ADH1B: variants seen among roughly 807,000 people sequenced by gnomAD.
The protein encoded by ADH1B is alcohol dehydrogenase 1B (class I), beta polypeptide, also known as all-trans-retinol dehydrogenase [NAD(+)] ADH1B.
Under a neutral mutation model 34.6 loss-of-function variants are expected in ADH1B, and 29 were observed. The ratio of observed to expected loss-of-function variants is 0.84; its 90% CI spans 0.62 to 1.14. ADH1B has a LOEUF of 1.14. Among genes scored for constraint, ADH1B ranks in the 50% most tolerant of loss-of-function variants. The pLI is 0.00. For missense variants in ADH1B, 424 were observed against 468.4 expected (o/e 0.91, Z 0.87); for synonymous variants, 170 against 175.5 (o/e 0.97, Z 0.25).
rs775996950 is a variant in ADH1B, at chr4:99,307,880, A to G, written c.1104-16T>C. On this transcript the variant is annotated splice_polypyrimidine_tract_variant and intron_variant, in intron 8 of 8. Coordinates refer to ENST00000305046, the MANE Select transcript of ADH1B (RefSeq NM_000668.6). ...GGTACGGATACTGCAATAGGAAAGA[A>G]GAGACATTGTGTTAACATTTAGACA... The G allele has an allele frequency of 6.2e-7, 1 of 1,613,966 alleles. No homozygotes were observed. Among genetic ancestry groups the G allele is most frequent in the Non-Finnish European group, 8.5e-7 (1 of 1,179,892 alleles).
intron 1 of ADH1B, chr4:99,320,231 A>G (rs553327542): frequency 3.9e-5 from 6 of 152,212 alleles, no homozygotes; most frequent in South Asian, 2.1e-4. Context: ...CCCAAAGTCC[A>G]TTATATCATT....
chr4:99,314,205 T>G, intron 5 of ADH1B, 124 bp from the exon 6 acceptor site: 1 of 1,465,202 alleles, frequency 6.8e-7, no homozygotes, highest in Non-Finnish European at 9.2e-7. Flanking sequence ...CAACCGTTTA[T>G]CAAAACCTCT....
chr4:99,321,188 A>C, intron 1 of ADH1B, 126 bp downstream of exon 1: 1 of 830,176 alleles, frequency 1.2e-6, no homozygotes, highest in Non-Finnish European at 1.9e-6. Context: ...TGTATATTGC[A>C]TATCATATTT....
At chr4:99,311,440 G>T (rs1733751247) in intron 7 of ADH1B, 81 bp downstream of exon 7, 1 of 1,450,882 alleles carries the variant, frequency 6.9e-7, no homozygotes, top group Non-Finnish European at 9.4e-7. Context: ...TTGTAAAAGG[G>T]CATATATATT....
intron 5 of ADH1B, 42 bp from the exon 6 acceptor site, chr4:99,314,123 G>C (rs1733822537): frequency 1.9e-6 from 3 of 1,604,458 alleles, no homozygotes; most frequent in Non-Finnish European, 2.6e-6. Flanking sequence ...AGTGATGATT[G>C]TTAGAAAGTG....
intron 8 of ADH1B, among the ~76,000 whole-genome samples, 160 bp from the exon 9 acceptor site, chr4:99,308,024 C>A (rs1286578721): frequency 1.3e-5 from 2 of 152,094 alleles, no homozygotes; most frequent in Non-Finnish European, 2.9e-5. Context: ...AAAGGAAGTT[C>A]ATCTTTTTTG....
rs1733598790 is a variant in ADH1B at position 99,305,802 on chromosome 4, G to A, written c.*2038C>T. 1 of 151,468 alleles carries A rather than the reference G, an allele frequency of 6.6e-6. No individual in the cohort carries two copies. 9.4% of individuals were successfully genotyped at this position (151,468 alleles called of 1,614,324 possible). A position where few individuals can be genotyped will look rare whatever the true frequency, so the allele number is the denominator to read the frequency against. On this transcript the variant is annotated 3_prime_UTR_variant, in exon 9 of 9. Coordinates refer to ENST00000305046, the MANE Select transcript of ADH1B (RefSeq NM_000668.6). ...CCTGGGAGGAAGGCGGGTGGGAGCT[G>A]GATGTCAGCTTCTGTGTCACTAGCA...
At chr4:99,317,823 T>C (rs1192556337) in intron 3 of ADH1B, 20 of 621,842 alleles carry the variant, frequency 3.2e-5, no homozygotes, top group Non-Finnish European at 4.4e-5. Flanking sequence ...TGGCTTCTAG[T>C]AGATACTCGG....
intron 2 of ADH1B, chr4:99,318,554 T>C (rs1733945107): frequency 1.9e-6 from 1 of 530,616 alleles, no homozygotes; most frequent in East Asian, 3.4e-5. Flanking sequence ...TTTTTTTCTG[T>C]ACAAACATAA....
At position 99,305,791 on chromosome 4, in the gene ADH1B, G is replaced by A. The variant is rs574615383; in HGVS notation, c.*2049C>T. 6 of 151,642 alleles carry A rather than the reference G, an allele frequency of 4.0e-5. No homozygotes were observed. The South Asian group carries it at 6.3e-4, about 16-fold the overall frequency. 9.4% of individuals were successfully genotyped at this position (151,642 alleles called of 1,614,324 possible). A position where few individuals can be genotyped will look rare whatever the true frequency, so the allele number is the denominator to read the frequency against. On this transcript the variant is annotated 3_prime_UTR_variant, in exon 9 of 9. Coordinates refer to ENST00000305046, the MANE Select transcript of ADH1B (RefSeq NM_000668.6). ...TGCTCCCCGAACCTGGGAGGAAGGCGGGTGGGAGCTGGATGTCAGCTTCTG... is the reference window on the plus strand; with the variant it reads ...TGCTCCCCGAACCTGGGAGGAAGGCAGGTGGGAGCTGGATGTCAGCTTCTG...
intron 5 of ADH1B, chr4:99,315,240 T>C (rs1430347562): frequency 3.3e-5 from 5 of 153,344 alleles, no homozygotes; most frequent in Admixed American, 3.2e-4. Flanking sequence ...TAAAGCATAC[T>C]ACTAGATTTT....
rs1431989411 is a variant in ADH1B at position 99,316,117 on chromosome 4, A to C, written c.348T>G (p.Asp116Glu). The C allele has an allele frequency of 6.2e-7, 1 of 1,614,182 alleles. No individual in the cohort carries two copies. Among genetic ancestry groups the C allele is most frequent in the Non-Finnish European group, 8.5e-7 (1 of 1,180,022 alleles). ...GCAGGGTCCCCCGAGGATTGCCTAG[A>C]CTGGGCAGTGCAATACACAGACACA... ...NPESNYCLKN[D>E]LGNPRGTLQD... Residue 116 changes from aspartate (D) to glutamate (E), a missense_variant and splice_region_variant, in exon 5 of 9, where the codon GAT (aspartate) becomes GAG (glutamate). Asp to Glu is a conservative substitution (Grantham distance 45, BLOSUM62 2). Around this residue, in one of 3 missense-constraint regions of ADH1B, gnomAD observed 291 missense variants for 300.4 expected, o/e 0.97. Transcript: ENST00000305046.
rs1325379373 is a variant in ADH1B, at chr4:99,306,545, T to C, written c.*1295A>G. The C allele has an allele frequency of 6.6e-6, 1 of 152,184 alleles. No homozygotes were observed. Among genetic ancestry groups the C allele is most frequent in the Non-Finnish European group, 1.5e-5 (1 of 68,046 alleles). 9.4% of individuals were successfully genotyped at this position (152,184 alleles called of 1,614,324 possible). ...ACTTTATGTCTAAGGTCTTTCATAA[T>C]ATGAAATAGAATGTAGATATTGCAA... On this transcript the variant is annotated 3_prime_UTR_variant, in exon 9 of 9. Coordinates refer to ENST00000305046, the MANE Select transcript of ADH1B (RefSeq NM_000668.6).
Position 99,313,666 on chromosome 4 carries a change from T to C in ADH1B, c.828+155A>G, listed in dbSNP as rs1020816493. On this transcript the variant is annotated intron_variant, in intron 6 of 8. Coordinates refer to ENST00000305046, the MANE Select transcript of ADH1B (RefSeq NM_000668.6). Reference sequence around the variant, plus strand: ...AATTGATGGAAGAGAAGATTTCTCATAACAAAAATTAAACAAGCCACATAA... The same window carrying C: ...AATTGATGGAAGAGAAGATTTCTCACAACAAAAATTAAACAAGCCACATAA... 36 of 1,393,542 alleles carry C rather than the reference T, an allele frequency of 2.6e-5. No homozygotes were observed. The East Asian group carries it at 5.1e-4, about 20-fold the overall frequency. 86.3% of individuals were successfully genotyped at this position (1,393,542 alleles called of 1,614,324 possible).
rs1224502657 is a variant in ADH1B, at chr4:99,313,891, T to C, written c.758A>G (p.Glu253Gly). Residue 253 changes from glutamate to glycine, a missense_variant, in exon 6 of 9, where the codon GAA becomes GGA. Glu to Gly is a moderately conservative substitution (Grantham distance 98). Around this residue, in one of 3 missense-constraint regions of ADH1B, gnomAD observed 3 missense variants for 16.2 expected, o/e 0.19. Transcript: ENST00000305046. ...TCCATCAGTCATTTCCTTTAGCACTTCCTGAATGGGTTTCTTGTAGTCTTG... is the reference window on the plus strand; with the variant it reads ...TCCATCAGTCATTTCCTTTAGCACTCCCTGAATGGGTTTCTTGTAGTCTTG... ...NPQDYKKPIQ[E>G]VLKEMTDGGV... The C allele has an allele frequency of 6.2e-7, 1 of 1,613,978 alleles. No individual in the cohort carries two copies. The highest frequency in any genetic ancestry group is 1.7e-5 in the Admixed American group (1 of 60,000).
intron 8 of ADH1B, chr4:99,310,357 T>A (rs1310053664): frequency 8.8e-6 from 4 of 456,168 alleles, no homozygotes; most frequent in Non-Finnish European, 1.8e-5. Flanking sequence ...GAGGATGTCC[T>A]GAAAATTATT....
chr4:99,312,546 G>C (rs765334651), intron 6 of ADH1B, among the ~76,000 whole-genome samples: 11 of 152,166 alleles, frequency 7.2e-5, no homozygotes, highest in Non-Finnish European at 1.6e-4. Flanking sequence ...TTTTCAGTAG[G>C]ATTCTAGAGA....
Position 99,307,203 on chromosome 4 carries a change from A to G in ADH1B, c.*637T>C, listed in dbSNP as rs1032102982. On this transcript the variant is annotated 3_prime_UTR_variant, in exon 9 of 9. Transcript: ENST00000305046. ...ATTTTAAAAAATCAATTGTATATCG[A>G]CCATAAAGAAATAGTATAAAAGTCA... The G allele has an allele frequency of 1.3e-5, 2 of 152,252 alleles. No homozygotes were observed. Among genetic ancestry groups the G allele is most frequent in the African/African-American group, 4.8e-5 (2 of 41,446 alleles). The allele number at this position is 152,252 out of a possible 1,614,324, so 9.4% of individuals were successfully genotyped here.
intron 1 of ADH1B, chr4:99,320,731 C>T (rs1734003490): frequency 9.9e-7 from 1 of 1,006,292 alleles, no homozygotes. Context: ...GTGGAAATTC[C>T]CTGAATTGTA....
Sources: allele counts gnomAD v4.1 joint callset (sites outside exome capture counted in the v4.1 genomes callset), GRCh38; gene constraint gnomAD v4.1.1; regional missense constraint gnomAD v4.1.1; transcripts MANE v1.5; gene names NCBI Gene and HGNC (gene_info 2026-07-23, HGNC 2026-07-21).